Variants in CMSS1 observed in about 807,000 individuals in gnomAD.
CMSS1 encodes cms1 ribosomal small subunit homolog, also known as protein CMSS1.
Under a neutral mutation model 43.5 loss-of-function variants are expected in CMSS1, and 33 were observed. The observed-to-expected ratio is 0.76, with a 90% CI of 0.57 to 1.01. The LOEUF (loss-of-function observed/expected upper bound fraction) is 1.01. CMSS1 is among the 50% of genes least tolerant of loss of function. The pLI, the probability that CMSS1 is intolerant of heterozygous loss-of-function variation, is 0.00. For synonymous variants in CMSS1, 115 were observed against 117.2 expected (o/e 0.98, Z 0.12); for missense variants, 313 against 326.4 (o/e 0.96, Z 0.32).
intron 1 of CMSS1, among the ~76,000 whole-genome samples, chr3:100,111,504 A>G (rs1467328542): frequency 6.6e-6 from 1 of 152,182 alleles, no homozygotes. Context: ...AGTTTTATAC[A>G]CAATATAAAA....
At chr3:100,042,026 C>T (rs2107293495) in intron 1 of CMSS1, among the ~76,000 whole-genome samples, 1 of 152,216 alleles carries the variant, frequency 6.6e-6, no homozygotes, top group East Asian at 1.9e-4. Context: ...TCATATATGC[C>T]CCCTTCTGCT....
intron 1 of CMSS1, among the ~76,000 whole-genome samples, chr3:100,093,781 T>C (rs1209231501): frequency 6.6e-6 from 1 of 152,252 alleles, no homozygotes; most frequent in African/African-American, 2.4e-5. Flanking sequence ...AAAAACAGTA[T>C]ATAAATAGAA....
intron 1 of CMSS1, among the ~76,000 whole-genome samples, chr3:99,852,794 A>G (rs1943767848): frequency 6.6e-6 from 1 of 152,128 alleles, no homozygotes; most frequent in Admixed American, 6.5e-5. Flanking sequence ...TTGGAAATTG[A>G]GTCCTTCTTT....
intron 1 of CMSS1, among the ~76,000 whole-genome samples, chr3:99,822,377 A>T (rs1199775157): frequency 1.3e-5 from 2 of 152,322 alleles, no homozygotes; most frequent in South Asian, 2.1e-4. Context: ...CAAGCACCTA[A>T]CTAGAAAACT....
intron 1 of CMSS1, among the ~76,000 whole-genome samples, chr3:100,014,842 A>T (rs1417022889): frequency 2.8e-3 from 79 of 28,250 alleles, no homozygotes; most frequent in Admixed American, 3.6e-3. Context: ...AAAACTTTTT[A>T]TCTGATGCAA....
At chr3:100,042,885 C>G (rs180884837) in intron 1 of CMSS1, among the ~76,000 whole-genome samples, 1 of 152,196 alleles carries the variant, frequency 6.6e-6, no homozygotes. Flanking sequence ...AGCCAAAGTT[C>G]CCAGACCTTG....
intron 1 of CMSS1, among the ~76,000 whole-genome samples, chr3:100,047,813 C>G (rs1403173281): frequency 1.3e-5 from 2 of 151,860 alleles, no homozygotes; most frequent in East Asian, 1.9e-4. Flanking sequence ...CCTCACTGCT[C>G]TCCCCAGAAG....
chr3:100,087,789 T>C (rs1368046591), intron 1 of CMSS1, among the ~76,000 whole-genome samples: 1 of 151,922 alleles, frequency 6.6e-6, no homozygotes, highest in Non-Finnish European at 1.5e-5. Flanking sequence ...TAAGGAATCT[T>C]TTCCTAACAC....
At chr3:100,124,612 CGCA>C (rs1452096778) in intron 1 of CMSS1, among the ~76,000 whole-genome samples, 1 of 152,126 alleles carries the variant, frequency 6.6e-6, no homozygotes, top group East Asian at 1.9e-4. Flanking sequence ...TCCCTGTCCT[CGCA>C]GTCCTCACCA....
rs150971757 is a variant in CMSS1, at chr3:99,985,269, C to T, written c.65-161704C>T. 6.5e-4 allele frequency among the ~76,000 whole-genome samples: 99 copies of T among 152,202 alleles called. 1 individual carries two copies. The East Asian group carries it at 0.018, about 28-fold the overall frequency. Reference sequence around the variant, plus strand: ...ATCTAGGGCCCATCATGGTGGCTCACGCCTGTAATTCCAACACTTTGGTAG... The same window carrying T: ...ATCTAGGGCCCATCATGGTGGCTCATGCCTGTAATTCCAACACTTTGGTAG... On this transcript the variant is annotated intron_variant, in intron 1 of 9. Transcript: ENST00000421999.
At chr3:100,020,642 T>A (rs143439414) in intron 1 of CMSS1, among the ~76,000 whole-genome samples, 7 of 152,100 alleles carry the variant, frequency 4.6e-5, no homozygotes, top group African/African-American at 1.7e-4. Flanking sequence ...TTTAAAATAG[T>A]CTTAAAGTTC....
intron 1 of CMSS1, among the ~76,000 whole-genome samples, chr3:100,132,776 G>A (rs1034642340): frequency 1.1e-4 from 14 of 127,454 alleles, no homozygotes; most frequent in African/African-American, 4.0e-4. Context: ...CCGAGATCCC[G>A]CCACTGCACT....
chr3:100,178,490 T>C lies in CMSS1; in HGVS notation c.*102T>C, dbSNP rs918835159. 6 of 688,188 alleles carry C rather than the reference T, an allele frequency of 8.7e-6. No homozygotes were observed. The African/African-American group carries it at 1.1e-4, about 12-fold the overall frequency. 42.6% of individuals were successfully genotyped at this position (688,188 alleles called of 1,614,324 possible). A position where few individuals can be genotyped will look rare whatever the true frequency, so the allele number is the denominator to read the frequency against. On this transcript the variant is annotated 3_prime_UTR_variant, in exon 10 of 10. Coordinates refer to ENST00000421999, the MANE Select transcript of CMSS1 (RefSeq NM_032359.4). ...ACTCAGTAAATATCAGCAAATAGTT[T>C]ATGTTAATTGTGTCAACAGATGGAT... is the stretch of plus-strand genomic sequence containing the variant.
Position 99,978,275 on chromosome 3 carries a change from A to G in CMSS1, c.64+160232A>G, listed in dbSNP as rs1489462500. Among the ~76,000 whole-genome samples, 6 of 152,198 alleles carry G rather than the reference A, an allele frequency of 3.9e-5. 1 individual carries two copies. Among genetic ancestry groups the G allele is most frequent in the Non-Finnish European group, 1.5e-5 (1 of 68,040 alleles). ...TTAAAAAAATGAATCCAGCAATCCC[A>G]CTACTGGATATGTATCCAAGGGAAA... On this transcript the variant is annotated intron_variant, in intron 1 of 9. Transcript: ENST00000421999.
At chr3:99,825,775 C>CTTTTTTTT (rs897686337) in intron 1 of CMSS1, among the ~76,000 whole-genome samples, 26 of 121,604 alleles carry the variant, frequency 2.1e-4, no homozygotes, top group Non-Finnish European at 3.4e-4. Flanking sequence ...TTTTCTTTTT[C>CTTTTTTTT]TTTTTTTTTT....
chr3:99,826,508 T>G (rs1942537852), intron 1 of CMSS1, among the ~76,000 whole-genome samples: 1 of 152,226 alleles, frequency 6.6e-6, no homozygotes, highest in Non-Finnish European at 1.5e-5. Flanking sequence ...TTATGTAATT[T>G]TCACGTCACA....
intron 1 of CMSS1, chr3:100,141,733 T>C (rs568468518): frequency 4.5e-5 from 16 of 356,078 alleles, no homozygotes; most frequent in Non-Finnish European, 8.2e-5. Flanking sequence ...ACTCCTCTTT[T>C]GGAATAACTT....
At chr3:100,156,301 T>C (rs1224930418) in intron 2 of CMSS1, among the ~76,000 whole-genome samples, 3 of 124,164 alleles carry the variant, frequency 2.4e-5, no homozygotes, top group Non-Finnish European at 3.4e-5. Context: ...TTTTTTTTCT[T>C]TTTTTTTTTT....
chr3:100,001,981 C>T (rs879544024), intron 1 of CMSS1, among the ~76,000 whole-genome samples: 11 of 152,164 alleles, frequency 7.2e-5, no homozygotes, highest in African/African-American at 2.2e-4. Context: ...CCATATCCCC[C>T]CCAATTCTGA....
Sources: allele counts gnomAD v4.1 joint callset (sites outside exome capture counted in the v4.1 genomes callset), GRCh38; gene constraint gnomAD v4.1.1; transcripts MANE v1.5; gene names NCBI Gene and HGNC (gene_info 2026-07-23, HGNC 2026-07-21).